The following CLEC9A variants were observed in gnomAD, a reference collection of about 807,000 sequenced individuals.
CLEC9A encodes C-type lectin domain containing 9A, also known as C-type lectin domain family 9 member A.
CLEC9A carries 24 observed loss-of-function variants against 30.0 expected under a neutral mutation model. The ratio of observed to expected loss-of-function variants is 0.80; its 90% CI spans 0.58 to 1.13. The LOEUF (loss-of-function observed/expected upper bound fraction) is 1.13. Among genes scored for constraint, CLEC9A ranks in the 50% most tolerant of loss-of-function variants. The probability of loss-of-function intolerance (pLI) is 0.00; values close to 1 mark genes in which losing one functional copy is unlikely to be tolerated. For synonymous variants in CLEC9A, 111 were observed against 96.8 expected (o/e 1.15, Z -0.86); for missense variants, 251 against 280.9 (o/e 0.89, Z 0.76).
intron 2 of CLEC9A, among the ~76,000 whole-genome samples, chr12:10,044,958 ATAAGT>A (rs1204086644): frequency 2.0e-5 from 3 of 152,250 alleles, no homozygotes; most frequent in Non-Finnish European, 4.4e-5. Context: ...GAGAATAAAG[ATAAGT>A]TAACAGCCAT....
At chr12:10,038,487 T>C (rs1362898696) in intron 1 of CLEC9A, among the ~76,000 whole-genome samples, 1 of 152,198 alleles carries the variant, frequency 6.6e-6, no homozygotes, top group African/African-American at 2.4e-5. Context: ...ATAGTTACTA[T>C]ATTGAGAAGT....
At chr12:10,052,437 T>C (rs957682287) in intron 3 of CLEC9A, 193 bp from the exon 4 acceptor site, 1 of 1,084,410 alleles carries the variant, frequency 9.2e-7, no homozygotes, top group Non-Finnish European at 1.2e-6. Context: ...AAATGTTCTA[T>C]CATTGGCCAT....
Position 10,044,178 on chromosome 12 carries a change from G to A in CLEC9A, c.-163+2558G>A, listed in dbSNP as rs562701749. ...CTCTATCCTTCTACACATGATGCAG[G>A]CAAATAGGCTGTTAGCACCAGGTTG... On this transcript the variant is annotated intron_variant, in intron 2 of 8. Coordinates refer to ENST00000355819, the MANE Select transcript of CLEC9A (RefSeq NM_207345.4). Among the ~76,000 whole-genome samples, 4 of 152,142 alleles carry A rather than the reference G, an allele frequency of 2.6e-5. No homozygotes were observed. In the East Asian group the frequency reaches 7.7e-4, roughly 29 times the overall value.
At chr12:10,042,207 G>C (rs1865803415) in intron 2 of CLEC9A, among the ~76,000 whole-genome samples, 1 of 152,178 alleles carries the variant, frequency 6.6e-6, no homozygotes, top group South Asian at 2.1e-4. Flanking sequence ...TTATCTGTCA[G>C]GTTCTGTAGG....
chr12:10,031,412 A>G lies in CLEC9A; in HGVS notation c.-318+440A>G, dbSNP rs144106886. ...AAAGGGAGTCAAACACGAAATCTCC[A>G]GGAGGCCATCCCTGGTTATTTCTTA... is the stretch of plus-strand genomic sequence containing the variant. On this transcript the variant is annotated intron_variant, in intron 1 of 8. Coordinates refer to ENST00000355819, the MANE Select transcript of CLEC9A (RefSeq NM_207345.4). 7.2e-5 allele frequency among the ~76,000 whole-genome samples: 11 copies of G among 152,348 alleles called. No individual in the cohort carries two copies. In the East Asian group the frequency reaches 1.9e-3, roughly 27 times the overall value.
chr12:10,031,655 A>G (rs1865697430), intron 1 of CLEC9A, among the ~76,000 whole-genome samples: 1 of 152,152 alleles, frequency 6.6e-6, no homozygotes, highest in Non-Finnish European at 1.5e-5. Flanking sequence ...AGGTGCAGTT[A>G]GTTACACCTG....
intron 5 of CLEC9A, among the ~76,000 whole-genome samples, chr12:10,058,309 G>C (rs1371526893): frequency 1.3e-5 from 2 of 152,032 alleles, no homozygotes; most frequent in Non-Finnish European, 2.9e-5. Flanking sequence ...ATTATTAATA[G>C]GATAAAAATC....
intron 1 of CLEC9A, among the ~76,000 whole-genome samples, chr12:10,037,939 T>C (rs1865757618): frequency 6.6e-6 from 1 of 152,018 alleles, no homozygotes; most frequent in Admixed American, 6.5e-5. Flanking sequence ...GGAAGATGTC[T>C]TAAATGTTAA....
At chr12:10,054,616 A>G (rs1197611338) in intron 5 of CLEC9A, among the ~76,000 whole-genome samples, 1 of 152,212 alleles carries the variant, frequency 6.6e-6, no homozygotes, top group Non-Finnish European at 1.5e-5. Flanking sequence ...TTCTGATTCC[A>G]TTTGTGAGTC....
chr12:10,064,657 A>G (rs1866026690), intron 7 of CLEC9A, 75 bp from the exon 8 acceptor site: 1 of 1,468,410 alleles, frequency 6.8e-7, no homozygotes, highest in African/African-American at 1.4e-5. Flanking sequence ...GCTAGGCAAA[A>G]TGTCACACTT....
At chr12:10,063,527 T>A (rs1369062577) in intron 7 of CLEC9A, among the ~76,000 whole-genome samples, 4 of 152,210 alleles carry the variant, frequency 2.6e-5, no homozygotes, top group Non-Finnish European at 5.9e-5. Flanking sequence ...TATATTATAG[T>A]TGCAGATATG....
At chr12:10,038,279 T>G (rs1192235842) in intron 1 of CLEC9A, among the ~76,000 whole-genome samples, 1 of 152,232 alleles carries the variant, frequency 6.6e-6, no homozygotes, top group Non-Finnish European at 1.5e-5. Flanking sequence ...GTACTGTCTT[T>G]TTTGTTTGTT....
At chr12:10,063,899 G>C (rs768848875) in intron 7 of CLEC9A, among the ~76,000 whole-genome samples, 7 of 151,924 alleles carry the variant, frequency 4.6e-5, no homozygotes, top group Non-Finnish European at 8.8e-5. Flanking sequence ...TTCCAGCTAC[G>C]TGGGAGGCTG....
intron 1 of CLEC9A, among the ~76,000 whole-genome samples, chr12:10,040,390 C>A (rs906149506): frequency 6.6e-6 from 1 of 151,690 alleles, no homozygotes; most frequent in African/African-American, 2.4e-5. Flanking sequence ...CTTTATAGCC[C>A]CTTCACTCTT....
At chr12:10,038,927 G>A (rs1196322028) in intron 1 of CLEC9A, among the ~76,000 whole-genome samples, 1 of 152,252 alleles carries the variant, frequency 6.6e-6, no homozygotes, top group Non-Finnish European at 1.5e-5. Flanking sequence ...TTGGGGATGA[G>A]GATGGATGTG....
intron 4 of CLEC9A, 86 bp from the exon 5 acceptor site, chr12:10,054,185 C>T (rs1865919615): frequency 9.4e-7 from 1 of 1,068,488 alleles, no homozygotes; most frequent in African/African-American, 1.6e-5. Flanking sequence ...TTAATTCCTT[C>T]TTTTACTCAA....
Position 10,054,349 on chromosome 12 carries a change from A to C in CLEC9A, c.170A>C (p.Lys57Thr). ...ACAGCATCCATTTTCTTGGGCGTCA[A>C]GTGTAAGTACTAAAAGATATTTTCA... is the stretch of plus-strand genomic sequence containing the variant. ...LLTASIFLGVKLLQVSTIAMQ... is the reference protein window; with the variant it reads ...LLTASIFLGVTLLQVSTIAMQ... Residue 57 changes from lysine to threonine, a missense_variant and splice_region_variant, in exon 5 of 9, where the codon AAG becomes ACG. Transcript: ENST00000355819. 1 of 1,599,946 alleles carries C rather than the reference A, an allele frequency of 6.3e-7. No homozygotes were observed. The highest frequency in any genetic ancestry group is 8.6e-7 in the Non-Finnish European group (1 of 1,167,952).
chr12:10,059,687 C>T (rs1050591092), intron 5 of CLEC9A, among the ~76,000 whole-genome samples: 2 of 152,086 alleles, frequency 1.3e-5, no homozygotes, highest in African/African-American at 4.8e-5. Context: ...CTTTGGGATT[C>T]CTTGAGCCCA....
chr12:10,040,865 T>A (rs1865789262), intron 1 of CLEC9A: 1 of 197,552 alleles, frequency 5.1e-6, no homozygotes, highest in Non-Finnish European at 1.1e-5. Context: ...GCAGCAAAAT[T>A]ACCTACAAGT....
Sources: gnomAD v4.1 joint callset for allele counts (sites outside exome capture counted in the v4.1 genomes callset) on GRCh38, gnomAD v4.1.1 for gene constraint, MANE v1.5 for transcripts, NCBI Gene and HGNC (gene_info 2026-07-23, HGNC 2026-07-21) for gene names.